Variants in ACYP2 observed in about 807,000 individuals in gnomAD.
The protein encoded by ACYP2 is acylphosphatase 2.
A neutral mutation model predicts 11.2 loss-of-function variants in ACYP2; 12 were observed. The observed-to-expected ratio is 1.08, with a 90% CI of 0.69 to 1.74. The LOEUF is 1.74. Ranked by LOEUF, ACYP2 falls within the 40% of genes most tolerant of loss-of-function variation. The pLI is 0.00. For synonymous variants in ACYP2, 43 were observed against 32.2 expected (o/e 1.33, Z -1.13); for missense variants, 134 against 101.9 (o/e 1.31, Z -1.35).
At chr2:54,123,221 G>T in intron 4 of ACYP2, 1 of 396,858 alleles carries the variant, frequency 2.5e-6, no homozygotes, top group South Asian at 1.4e-4. Flanking sequence ...ATTTCCGCTA[G>T]AGAGAAAGAT....
chr2:53,998,918 C>T (rs1277211884), intron 2 of ACYP2, among the ~76,000 whole-genome samples: 1 of 152,120 alleles, frequency 6.6e-6, no homozygotes, highest in South Asian at 2.1e-4. Flanking sequence ...GCTCTCTGTT[C>T]ATGACTGAAG....
intron 2 of ACYP2, among the ~76,000 whole-genome samples, chr2:54,027,728 T>C (rs1042707640): frequency 6.6e-6 from 1 of 151,998 alleles, no homozygotes; most frequent in Non-Finnish European, 1.5e-5. Context: ...TGAATAAAAG[T>C]CCATACTTTA....
At chr2:54,255,610 T>C in intron 6 of ACYP2, 1 of 1,613,484 alleles carries the variant, frequency 6.2e-7, no homozygotes, top group Non-Finnish European at 8.5e-7. Context: ...GTTTACCTCA[T>C]CTATTGCTCT....
intron 4 of ACYP2, among the ~76,000 whole-genome samples, chr2:54,121,119 G>A (rs1265304876): frequency 6.6e-6 from 1 of 152,158 alleles, no homozygotes; most frequent in Admixed American, 6.5e-5. Flanking sequence ...AGAGGAATGA[G>A]GTACGCGGAC....
intron 4 of ACYP2, among the ~76,000 whole-genome samples, chr2:54,130,266 A>T (rs974823297): frequency 6.6e-6 from 1 of 152,138 alleles, no homozygotes; most frequent in African/African-American, 2.4e-5. Context: ...TGAGAATATC[A>T]GGGGGAAGAG....
intron 6 of ACYP2, among the ~76,000 whole-genome samples, chr2:54,294,622 A>G (rs1429670118): frequency 1.3e-5 from 2 of 152,050 alleles, no homozygotes; most frequent in African/African-American, 4.8e-5. Context: ...TCTCTTCACA[A>G]ATCTTGAGGC....
chr2:54,111,709 G>A (rs1298050991), intron 4 of ACYP2, among the ~76,000 whole-genome samples: 3 of 152,172 alleles, frequency 2.0e-5, no homozygotes, highest in Non-Finnish European at 4.4e-5. Context: ...CTTCCACAGG[G>A]AATCATTGAA....
intron 2 of ACYP2, among the ~76,000 whole-genome samples, chr2:54,009,507 G>C (rs932585151): frequency 1.3e-5 from 2 of 152,118 alleles, no homozygotes; most frequent in South Asian, 4.1e-4. Context: ...CCAGGAGGTG[G>C]AGGTTGCAGT....
chr2:54,073,540 G>T (rs1321212476), intron 4 of ACYP2, among the ~76,000 whole-genome samples: 1 of 152,116 alleles, frequency 6.6e-6, no homozygotes, highest in Non-Finnish European at 1.5e-5. Context: ...ATTGGATTTT[G>T]TGAACATTTA....
intron 5 of ACYP2, among the ~76,000 whole-genome samples, chr2:54,137,613 C>G (rs1681330018): frequency 6.6e-6 from 1 of 152,190 alleles, no homozygotes; most frequent in African/African-American, 2.4e-5. Flanking sequence ...GACATGATCT[C>G]ATTCTTTTTT....
chr2:53,996,306 G>A (rs1253645080), intron 2 of ACYP2, among the ~76,000 whole-genome samples: 2 of 152,138 alleles, frequency 1.3e-5, no homozygotes, highest in African/African-American at 4.8e-5. Context: ...TGCAAGAAGT[G>A]TAGGGGGTGG....
chr2:54,143,569 G>T (rs1336100546), intron 6 of ACYP2, among the ~76,000 whole-genome samples: 1 of 152,052 alleles, frequency 6.6e-6, no homozygotes, highest in Non-Finnish European at 1.5e-5. Context: ...GAGTAGCTGG[G>T]ATTACAGGCA....
chr2:54,220,351 T>C (rs968978717), intron 6 of ACYP2, among the ~76,000 whole-genome samples: 6 of 152,154 alleles, frequency 3.9e-5, no homozygotes, highest in African/African-American at 1.4e-4. Flanking sequence ...TAAATGTGTT[T>C]TATTGTCTGT....
At chr2:54,027,296 A>T (rs193194846) in intron 2 of ACYP2, among the ~76,000 whole-genome samples, 11 of 152,262 alleles carry the variant, frequency 7.2e-5, no homozygotes, top group African/African-American at 2.4e-4. Context: ...TCTGAAGCAG[A>T]CCATAAAAAC....
At chr2:54,077,801 G>C (rs1167347596) in intron 4 of ACYP2, among the ~76,000 whole-genome samples, 1 of 152,176 alleles carries the variant, frequency 6.6e-6, no homozygotes, top group Non-Finnish European at 1.5e-5. Flanking sequence ...AGTAGCGCTG[G>C]AAGTAGAACC....
At chr2:54,060,497 C>A (rs1424231184) in intron 4 of ACYP2, among the ~76,000 whole-genome samples, 1 of 151,926 alleles carries the variant, frequency 6.6e-6, no homozygotes, top group Non-Finnish European at 1.5e-5. Flanking sequence ...CTTTTACTGT[C>A]TTTGTTTCTT....
At chr2:54,170,812 G>C (rs1186420152) in intron 6 of ACYP2, among the ~76,000 whole-genome samples, 1 of 152,168 alleles carries the variant, frequency 6.6e-6, no homozygotes, top group African/African-American at 2.4e-5. Context: ...TGGAACTCCT[G>C]TAATGAAGTA....
At chr2:53,977,892 A>G (rs1671572122) in intron 2 of ACYP2, among the ~76,000 whole-genome samples, 1 of 151,988 alleles carries the variant, frequency 6.6e-6, no homozygotes. Flanking sequence ...GAGCTCATTT[A>G]TGGTTATCTG....
chr2:54,047,329 TAA>T (rs755744377), intron 2 of ACYP2, among the ~76,000 whole-genome samples: 3 of 152,224 alleles, frequency 2.0e-5, no homozygotes, highest in Non-Finnish European at 4.4e-5. Flanking sequence ...CTTATAAATT[TAA>T]AAGAGTTGAA....
Sources: allele counts gnomAD v4.1 joint callset (sites outside exome capture counted in the v4.1 genomes callset), GRCh38; gene constraint gnomAD v4.1.1; transcripts MANE v1.5; gene names NCBI Gene and HGNC (gene_info 2026-07-23, HGNC 2026-07-21).